Variants in NSMCE2 observed in about 807,000 individuals in gnomAD.
The protein encoded by NSMCE2 is NSE2 SUMO ligase component of SMC5/6 complex, also known as E3 SUMO-protein ligase NSE2.
In NSMCE2, 24 loss-of-function variants were observed where a neutral mutation model predicts 23.8. The observed-to-expected ratio is 1.01, with a 90% confidence interval of 0.73 to 1.42. The LOEUF (loss-of-function observed/expected upper bound fraction) is 1.42. Ranked by LOEUF, NSMCE2 falls within the 40% of genes most tolerant of loss-of-function variation. NSMCE2 has a pLI of 0.00. For missense variants in NSMCE2, 284 were observed against 296.5 expected (o/e 0.96, Z 0.31); for synonymous variants, 92 against 94.1 (o/e 0.98, Z 0.13).
chr8:125,165,902 A>T (rs560008553), intron 4 of NSMCE2, among the ~76,000 whole-genome samples: 54 of 152,346 alleles, frequency 3.5e-4, no homozygotes, highest in African/African-American at 1.3e-3. Flanking sequence ...CATATTAATT[A>T]TAGAGAAAGC....
chr8:125,272,279 G>C (rs544757352), intron 5 of NSMCE2, among the ~76,000 whole-genome samples: 11 of 152,100 alleles, frequency 7.2e-5, no homozygotes, highest in African/African-American at 2.7e-4. Context: ...CTCCCAAAGT[G>C]CTGGGATTAC....
chr8:125,298,787 C>T (rs1250500196), intron 5 of NSMCE2, among the ~76,000 whole-genome samples: 2 of 148,218 alleles, frequency 1.3e-5, no homozygotes, highest in Non-Finnish European at 3.0e-5. Context: ...GTTTGAGACT[C>T]ATGTCAACAT....
At chr8:125,181,481 A>G (rs1822804922) in intron 4 of NSMCE2, among the ~76,000 whole-genome samples, 1 of 152,210 alleles carries the variant, frequency 6.6e-6, no homozygotes, top group Non-Finnish European at 1.5e-5. Context: ...TGTTCATAAT[A>G]TACTTCCTTC....
chr8:125,268,518 C>A (rs1300364715), intron 5 of NSMCE2, among the ~76,000 whole-genome samples: 2 of 152,236 alleles, frequency 1.3e-5, no homozygotes, highest in East Asian at 1.9e-4. Context: ...TTAAACATTT[C>A]TTTGAAGCAG....
chr8:125,361,752 G>A (rs1267984987), intron 7 of NSMCE2, among the ~76,000 whole-genome samples: 1 of 152,192 alleles, frequency 6.6e-6, no homozygotes, highest in Non-Finnish European at 1.5e-5. Flanking sequence ...GGCTGATAGA[G>A]TTGTTATCAC....
chr8:125,341,534 T>C (rs1396334157), intron 5 of NSMCE2, among the ~76,000 whole-genome samples: 1 of 152,080 alleles, frequency 6.6e-6, no homozygotes, highest in Non-Finnish European at 1.5e-5. Flanking sequence ...ATTTCCAGAG[T>C]TCTCCTTATG....
intron 3 of NSMCE2, among the ~76,000 whole-genome samples, chr8:125,129,235 G>C (rs928559898): frequency 1.1e-4 from 16 of 152,170 alleles, no homozygotes; most frequent in African/African-American, 3.9e-4. Flanking sequence ...AAAGTTGCAG[G>C]TAGTGAGATT....
chr8:125,261,705 A>G (rs1045035137), intron 5 of NSMCE2, among the ~76,000 whole-genome samples: 14 of 152,102 alleles, frequency 9.2e-5, no homozygotes, highest in Non-Finnish European at 8.8e-5. Context: ...TAGGTCAGGG[A>G]AAATATCCAC....
chr8:125,307,357 G>A (rs776128883), intron 5 of NSMCE2, among the ~76,000 whole-genome samples: 1 of 152,222 alleles, frequency 6.6e-6, no homozygotes, highest in Non-Finnish European at 1.5e-5. Flanking sequence ...ATAGGCAGGC[G>A]GCCAGCCAGC....
chr8:125,250,190 A>G (rs1034779028), intron 5 of NSMCE2, among the ~76,000 whole-genome samples: 5 of 152,132 alleles, frequency 3.3e-5, no homozygotes, highest in African/African-American at 9.7e-5. Flanking sequence ...GGGTTTCACC[A>G]TGTTGGCCAG....
At chr8:125,113,037 G>A (rs1043323634) in intron 3 of NSMCE2, among the ~76,000 whole-genome samples, 1 of 118,840 alleles carries the variant, frequency 8.4e-6, no homozygotes, top group Non-Finnish European at 1.6e-5. Flanking sequence ...ATTTAAAAGT[G>A]AATATATATT....
At chr8:125,099,925 TAG>T (rs1359358512) in intron 1 of NSMCE2, among the ~76,000 whole-genome samples, 1 of 151,814 alleles carries the variant, frequency 6.6e-6, no homozygotes, top group Non-Finnish European at 1.5e-5. Flanking sequence ...AATGATTCAG[TAG>T]AGAGGGAAAA....
chr8:125,312,519 G>A (rs191531265), intron 5 of NSMCE2, among the ~76,000 whole-genome samples: 25 of 152,336 alleles, frequency 1.6e-4, no homozygotes, highest in Middle Eastern at 3.4e-3. Flanking sequence ...CAGGTACTTG[G>A]GAGGCTGAGG....
At chr8:125,219,380 C>G (rs1289666755) in intron 5 of NSMCE2, among the ~76,000 whole-genome samples, 1 of 152,160 alleles carries the variant, frequency 6.6e-6, no homozygotes, top group African/African-American at 2.4e-5. Context: ...TAAATTTACT[C>G]TGGATTGAAT....
intron 3 of NSMCE2, among the ~76,000 whole-genome samples, chr8:125,118,069 A>G (rs1819101348): frequency 6.6e-6 from 1 of 152,150 alleles, no homozygotes; most frequent in African/African-American, 2.4e-5. Flanking sequence ...TTGCTGGGCC[A>G]GGCATGGAGA....
intron 5 of NSMCE2, among the ~76,000 whole-genome samples, chr8:125,205,389 A>G (rs909305732): frequency 9.2e-5 from 14 of 152,206 alleles, no homozygotes; most frequent in Admixed American, 6.5e-5. Flanking sequence ...AGTGTACTAA[A>G]TGGAACCCCA....
At chr8:125,252,841 G>A (rs558392732) in intron 5 of NSMCE2, among the ~76,000 whole-genome samples, 2 of 152,350 alleles carry the variant, frequency 1.3e-5, no homozygotes, top group South Asian at 2.1e-4. Flanking sequence ...GGGTAGTTCC[G>A]GAGTTAAGAG....
intron 3 of NSMCE2, among the ~76,000 whole-genome samples, chr8:125,110,482 T>C (rs1818677288): frequency 6.6e-6 from 1 of 152,214 alleles, no homozygotes; most frequent in African/African-American, 2.4e-5. Context: ...TTTTTACATG[T>C]GCTATTTCAT....
chr8:125,106,499 G>A (rs182923419), intron 3 of NSMCE2, among the ~76,000 whole-genome samples: 42 of 152,124 alleles, frequency 2.8e-4, no homozygotes, highest in Admixed American at 1.8e-3. Context: ...CCAACTTGGT[G>A]AAACCCCATC....
Sources: gnomAD v4.1 joint callset for allele counts (sites outside exome capture counted in the v4.1 genomes callset) on GRCh38, gnomAD v4.1.1 for gene constraint, MANE v1.5 for transcripts, NCBI Gene and HGNC (gene_info 2026-07-23, HGNC 2026-07-21) for gene names.